The following GSG1L variants were observed in gnomAD, a reference collection of about 807,000 sequenced individuals.
GSG1L encodes GSG1 like.
A neutral mutation model predicts 42.1 loss-of-function variants in GSG1L; 24 were observed. The ratio of observed to expected loss-of-function variants is 0.57; its 90% CI spans 0.41 to 0.80. The LOEUF (loss-of-function observed/expected upper bound fraction) is 0.80, where lower values mean the gene tolerates loss of function less well. Among genes scored for constraint, GSG1L ranks in the 30% least tolerant of loss-of-function variants. GSG1L has a pLI of 0.00. For missense variants in GSG1L, 445 were observed against 472.2 expected, an observed-to-expected ratio of 0.94 and a Z score of 0.53; for synonymous variants, 215 against 203.5, an observed-to-expected ratio of 1.06 and a Z score of -0.48.
chr16:27,810,211 G>A (rs1329746363), intron 5 of GSG1L, among the ~76,000 whole-genome samples: 10 of 152,108 alleles, frequency 6.6e-5, no homozygotes, highest in Admixed American at 6.5e-4. Context: ...GGGTGTGGTG[G>A]CTCATGCCTA....
chr16:28,055,432 G>A (rs370224509), intron 1 of GSG1L, among the ~76,000 whole-genome samples: 4 of 149,406 alleles, frequency 2.7e-5, no homozygotes, highest in African/African-American at 7.4e-5. Context: ...CCATTGTGCC[G>A]AGCTAGCATT....
At chr16:27,963,258 G>C in intron 1 of GSG1L, 55 bp from the exon 2 acceptor site, 3 of 1,495,248 alleles carry the variant, frequency 2.0e-6, no homozygotes, top group Non-Finnish European at 2.8e-6. Context: ...GGGCTTCCGA[G>C]GTTTGCCTGC....
chr16:27,974,278 G>T (rs1007560526), intron 1 of GSG1L, among the ~76,000 whole-genome samples: 1 of 152,148 alleles, frequency 6.6e-6, no homozygotes, highest in South Asian at 2.1e-4. Context: ...AAAACGTCAC[G>T]GGAAAGCTGG....
chr16:27,810,182 G>A (rs2083015721), intron 5 of GSG1L, among the ~76,000 whole-genome samples: 1 of 152,190 alleles, frequency 6.6e-6, no homozygotes, highest in African/African-American at 2.4e-5. Flanking sequence ...ACCCTAGTTA[G>A]AAAATGGCAG....
intron 4 of GSG1L, among the ~76,000 whole-genome samples, chr16:27,837,951 G>A (rs574070472): frequency 4.0e-5 from 6 of 151,734 alleles, no homozygotes; most frequent in Admixed American, 1.3e-4. Flanking sequence ...GCAATGTGTC[G>A]TTTCTTGGTA....
At chr16:27,802,437 C>T (rs529872473) in intron 6 of GSG1L, among the ~76,000 whole-genome samples, 1 of 152,278 alleles carries the variant, frequency 6.6e-6, no homozygotes, top group East Asian at 1.9e-4. Context: ...AGCAACTCCG[C>T]TATCCCCAGG....
In GSG1L at chr16:28,040,821, G is replaced by C. The variant is rs2086097137; in HGVS notation, c.349+22255C>G. Among the ~76,000 whole-genome samples, 1 of 152,092 alleles carries C rather than the reference G, an allele frequency of 6.6e-6. No homozygotes were observed. Among genetic ancestry groups the C allele is most frequent in the African/African-American group, 2.4e-5 (1 of 41,416 alleles). On this transcript the variant is annotated intron_variant, in intron 1 of 6. Transcript: ENST00000447459. The surrounding 1 kb of genome is among the most constrained non-coding windows in gnomAD (Gnocchi z 4.1). ...CAGGGCATCTCCTAGAATCAGTTCA[G>C]GTTCAGCCAGACACTCCTTTTCCAT... is the stretch of plus-strand genomic sequence containing the variant.
chr16:28,048,104 C>A (rs573127051), intron 1 of GSG1L, among the ~76,000 whole-genome samples: 123 of 151,522 alleles, frequency 8.1e-4, no homozygotes, highest in Middle Eastern at 6.8e-3. Flanking sequence ...TGGCATGCAC[C>A]TTTAGTCCCA....
At chr16:28,057,415 G>A (rs935784849) in intron 1 of GSG1L, among the ~76,000 whole-genome samples, 1 of 152,186 alleles carries the variant, frequency 6.6e-6, no homozygotes, top group Non-Finnish European at 1.5e-5. Flanking sequence ...CGTGTAAACT[G>A]AGGGCAGAAC....
At chr16:27,798,405 G>A (rs1301206530) in intron 6 of GSG1L, among the ~76,000 whole-genome samples, 1 of 152,148 alleles carries the variant, frequency 6.6e-6, no homozygotes, top group African/African-American at 2.4e-5. Context: ...GTGGAGGAAG[G>A]GGGCACAGCA....
At chr16:27,859,863 G>A (rs751018065) in intron 3 of GSG1L, among the ~76,000 whole-genome samples, 10 of 150,256 alleles carry the variant, frequency 6.7e-5, no homozygotes, top group East Asian at 3.9e-4. Flanking sequence ...TCATTTTTGC[G>A]CAGAAACAGG....
At chr16:27,794,264 C>G (rs1365244606) in intron 6 of GSG1L, among the ~76,000 whole-genome samples, 1 of 152,106 alleles carries the variant, frequency 6.6e-6, no homozygotes, top group East Asian at 1.9e-4. Context: ...GTTATCTTCC[C>G]GCCTCAGCCT....
At chr16:27,932,972 C>G (rs144176085) in intron 2 of GSG1L, among the ~76,000 whole-genome samples, 1 of 152,060 alleles carries the variant, frequency 6.6e-6, no homozygotes, top group East Asian at 1.9e-4. Context: ...AAAAATAATG[C>G]TTGGTTATGG....
intron 3 of GSG1L, among the ~76,000 whole-genome samples, chr16:27,871,660 G>GA (rs2083822455): frequency 6.6e-6 from 1 of 152,044 alleles, no homozygotes; most frequent in African/African-American, 2.4e-5. Flanking sequence ...ACAAAGAAAA[G>GA]AAAATGTGGT....
intron 3 of GSG1L, among the ~76,000 whole-genome samples, chr16:27,850,810 T>A (rs950531260): frequency 5.1e-5 from 6 of 116,862 alleles, no homozygotes; most frequent in East Asian, 3.8e-4. Flanking sequence ...CTTTTTTTTT[T>A]ATTTTTTTTT....
At chr16:27,979,580 AAGAAAGAAGGAAGGAAGG>A (rs1567542696) in intron 1 of GSG1L, among the ~76,000 whole-genome samples, 1 of 147,650 alleles carries the variant, frequency 6.8e-6, no homozygotes, top group African/African-American at 2.5e-5. Context: ...AAAAAAAAAA[AAGAAAGAAGGAAGGAAGG>A]AAGAAAGAAA....
At chr16:27,919,523 G>C (rs2084500526) in intron 2 of GSG1L, among the ~76,000 whole-genome samples, 1 of 152,220 alleles carries the variant, frequency 6.6e-6, no homozygotes, top group South Asian at 2.1e-4. Flanking sequence ...ACACCCCTCT[G>C]ACTTGGTCCA....
At chr16:27,832,386 A>T (rs2083282766) in intron 4 of GSG1L, among the ~76,000 whole-genome samples, 1 of 152,074 alleles carries the variant, frequency 6.6e-6, no homozygotes, top group African/African-American at 2.4e-5. Context: ...TTCCCTCCTG[A>T]CCTCCCACAA....
chr16:28,000,992 T>C (rs1331195835), intron 1 of GSG1L, among the ~76,000 whole-genome samples: 1 of 152,144 alleles, frequency 6.6e-6, no homozygotes, highest in Admixed American at 6.6e-5. Flanking sequence ...ACAAGTCAAT[T>C]CTCAATTATT....
Sources: gnomAD v4.1 joint callset for allele counts (sites outside exome capture counted in the v4.1 genomes callset) on GRCh38, gnomAD v4.1.1 for gene constraint, Gnocchi (gnomAD v3.1) non-coding constraint, MANE v1.5 for transcripts, NCBI Gene and HGNC (gene_info 2026-07-23, HGNC 2026-07-21) for gene names.